TENM2: variants seen among roughly 807,000 people sequenced by gnomAD.
The protein encoded by TENM2 is teneurin transmembrane protein 2.
Under a neutral mutation model 245.2 loss-of-function variants are expected in TENM2, and 52 were observed. That is an observed-to-expected ratio of 0.21 (90% CI 0.17 to 0.27). The LOEUF is 0.27. Among genes scored for constraint, TENM2 ranks in the 10% least tolerant of loss-of-function variants. TENM2 has a pLI of 1.00. For missense variants in TENM2, 3,046 were observed against 3,666.8 expected, an observed-to-expected ratio of 0.83 and a Z score of 4.37; for synonymous variants, 1,363 against 1,438.9, an observed-to-expected ratio of 0.95 and a Z score of 1.19.
intron 7 of TENM2, among the ~76,000 whole-genome samples, chr5:168,084,622 A>T (rs1792288349): frequency 6.6e-6 from 1 of 152,234 alleles, no homozygotes; most frequent in South Asian, 2.1e-4. Context: ...GCAGAGGGAA[A>T]GGCTGGTGCA....
At chr5:168,031,907 G>T (rs934735387) in intron 5 of TENM2, among the ~76,000 whole-genome samples, 1 of 152,174 alleles carries the variant, frequency 6.6e-6, no homozygotes, top group East Asian at 1.9e-4. Context: ...CTGAAGCCAG[G>T]TCTGCTGCTT....
intron 1 of TENM2, among the ~76,000 whole-genome samples, chr5:167,291,045 C>A (rs939145555): frequency 6.6e-6 from 1 of 152,130 alleles, no homozygotes. Flanking sequence ...TTTTTGATAA[C>A]TTTAGCCATT....
At chr5:167,341,870 T>C (rs1159119252) in intron 1 of TENM2, among the ~76,000 whole-genome samples, 1 of 152,154 alleles carries the variant, frequency 6.6e-6, no homozygotes, top group Non-Finnish European at 1.5e-5. Flanking sequence ...AAATTTACAT[T>C]TCACCAAACA....
chr5:167,463,560 G>T (rs555305820), intron 2 of TENM2, among the ~76,000 whole-genome samples: 76 of 151,556 alleles, frequency 5.0e-4, no homozygotes, highest in Middle Eastern at 3.4e-3. Flanking sequence ...GTGTAATGGT[G>T]CAATCTTGGC....
intron 13 of TENM2, among the ~76,000 whole-genome samples, chr5:168,184,951 T>A (rs1461964208): frequency 1.3e-5 from 2 of 152,198 alleles, no homozygotes; most frequent in African/African-American, 4.8e-5. Context: ...GAAAGGGGAT[T>A]GTGTCTCACA....
At chr5:167,872,346 GAAAGA>G (rs1772936874) in intron 2 of TENM2, among the ~76,000 whole-genome samples, 1 of 77,774 alleles carries the variant, frequency 1.3e-5, no homozygotes, top group African/African-American at 4.5e-5. Context: ...AAGAAAGAAA[GAAAGA>G]AAGGAAAGAG....
chr5:168,237,233 G>T (rs1038713578), intron 25 of TENM2, among the ~76,000 whole-genome samples: 1 of 149,862 alleles, frequency 6.7e-6, no homozygotes, highest in Non-Finnish European at 1.5e-5. Flanking sequence ...GACCAGGCTG[G>T]TCTTGAACTC....
chr5:167,771,536 T>C (rs950010697), intron 2 of TENM2, among the ~76,000 whole-genome samples: 1 of 152,186 alleles, frequency 6.6e-6, no homozygotes, highest in Non-Finnish European at 1.5e-5. Flanking sequence ...GCTTGTTTGC[T>C]CCTTTGCATT....
At chr5:167,129,814 A>G in the TENM2 span, among the ~76,000 whole-genome samples, 1 of 152,208 alleles carries the variant, frequency 6.6e-6, no homozygotes, top group African/African-American at 2.4e-5. Context: ...ATATTTGGGT[A>G]AGAAAAAAAT....
At chr5:167,265,820 A>G in the TENM2 span, among the ~76,000 whole-genome samples, 1 of 151,448 alleles carries the variant, frequency 6.6e-6, no homozygotes, top group Non-Finnish European at 1.5e-5. Context: ...AATCTTAATT[A>G]CTCTCTTTTT....
At chr5:167,824,535 C>T (rs1767802312) in intron 2 of TENM2, among the ~76,000 whole-genome samples, 1 of 152,184 alleles carries the variant, frequency 6.6e-6, no homozygotes, top group Non-Finnish European at 1.5e-5. Context: ...TCTCCACACC[C>T]AGAACATGGC....
chr5:167,709,864 A>G (rs893961013), intron 2 of TENM2, among the ~76,000 whole-genome samples: 13 of 152,322 alleles, frequency 8.5e-5, no homozygotes, highest in African/African-American at 2.2e-4. Flanking sequence ...AAAGAGAGAG[A>G]GGGGGAGAGA....
At chr5:168,191,077 C>T (rs1760912357) in intron 14 of TENM2, among the ~76,000 whole-genome samples, 1 of 151,932 alleles carries the variant, frequency 6.6e-6, no homozygotes, top group African/African-American at 2.4e-5. Context: ...ACAACAATCC[C>T]ATCTATTGCC....
At chr5:167,307,545 C>T (rs1755752424) in intron 1 of TENM2, among the ~76,000 whole-genome samples, 1 of 152,058 alleles carries the variant, frequency 6.6e-6, no homozygotes, top group Non-Finnish European at 1.5e-5. Flanking sequence ...TGTTTCAAGC[C>T]ACTCATTTGA....
intron 5 of TENM2, among the ~76,000 whole-genome samples, chr5:168,018,087 A>T (rs1398275988): frequency 6.6e-6 from 1 of 152,146 alleles, no homozygotes; most frequent in Non-Finnish European, 1.5e-5. Context: ...TTAACTGCCT[A>T]CCAGCATCTC....
At chr5:167,798,634 C>T (rs901942025) in intron 2 of TENM2, among the ~76,000 whole-genome samples, 1 of 152,166 alleles carries the variant, frequency 6.6e-6, no homozygotes, top group African/African-American at 2.4e-5. Flanking sequence ...CAACAGATCG[C>T]AGACTCCGCA....
At chr5:167,665,235 A>T (rs1490986850) in intron 2 of TENM2, among the ~76,000 whole-genome samples, 1 of 152,200 alleles carries the variant, frequency 6.6e-6, no homozygotes, top group African/African-American at 2.4e-5. Context: ...ATACAATAAT[A>T]TACATAAAAT....
the TENM2 span, among the ~76,000 whole-genome samples, chr5:166,995,684 C>T: frequency 2.0e-5 from 3 of 151,306 alleles, no homozygotes; most frequent in African/African-American, 7.3e-5. Context: ...GGCGTGGTGG[C>T]AGGTGCCTAT....
At chr5:167,957,713 G>C (rs1036510387) in intron 4 of TENM2, among the ~76,000 whole-genome samples, 1 of 152,128 alleles carries the variant, frequency 6.6e-6, no homozygotes, top group Non-Finnish European at 1.5e-5. Context: ...ATTTATTTCT[G>C]CCTTAATTTT....
Sources: gnomAD v4.1 joint callset for allele counts (sites outside exome capture counted in the v4.1 genomes callset) on GRCh38, gnomAD v4.1.1 for gene constraint, MANE v1.5 for transcripts, NCBI Gene and HGNC (gene_info 2026-07-23, HGNC 2026-07-21) for gene names.